OR52N4: variants seen among roughly 807,000 people sequenced by gnomAD.
The protein encoded by OR52N4 is olfactory receptor family 52 subfamily N member 4.
A neutral mutation model predicts 15.0 loss-of-function variants in OR52N4; 15 were observed. That is an observed-to-expected ratio of 1.00 (90% CI 0.67 to 1.54). The LOEUF is 1.54. Ranked by LOEUF, OR52N4 falls within the 40% of genes most tolerant of loss-of-function variation. The pLI, the probability that OR52N4 is intolerant of heterozygous loss-of-function variation, is 0.00. For missense variants in OR52N4, 421 were observed against 394.0 expected (o/e 1.07, Z -0.58); for synonymous variants, 143 against 143.7 (o/e 1.00, Z 0.03).
At chr11:5,730,989 A>C in the OR52N4 span, among the ~76,000 whole-genome samples, 4 of 152,100 alleles carry the variant, frequency 2.6e-5, no homozygotes, top group East Asian at 7.7e-4. Context: ...AAATTATATT[A>C]GTATTTGGAA....
the OR52N4 span, among the ~76,000 whole-genome samples, chr11:5,746,866 T>A: frequency 6.6e-6 from 1 of 152,110 alleles, no homozygotes; most frequent in African/African-American, 2.4e-5. Context: ...TGTATGATTA[T>A]CTCAGCACTA....
At chr11:5,729,993 T>C in the OR52N4 span, among the ~76,000 whole-genome samples, 1 of 152,186 alleles carries the variant, frequency 6.6e-6, no homozygotes, top group Admixed American at 6.5e-5. Flanking sequence ...CCATTTGAAT[T>C]TACTGGCACA....
chr11:5,753,440 A>C (rs1038593875), upstream of OR52N4, among the ~76,000 whole-genome samples: 3 of 152,052 alleles, frequency 2.0e-5, no homozygotes, highest in Non-Finnish European at 4.4e-5. Context: ...TTCTCTTTTG[A>C]AGTGTATGTT....
the OR52N4 span, among the ~76,000 whole-genome samples, chr11:5,745,264 T>C: frequency 7.2e-3 from 1,093 of 152,278 alleles, 15 homozygotes; most frequent in African/African-American, 0.025. Context: ...ACTATCTCTA[T>C]TTGCTGATGA....
chr11:5,750,907 A>AAT (rs1854176520), upstream of OR52N4, among the ~76,000 whole-genome samples: 1 of 152,174 alleles, frequency 6.6e-6, no homozygotes, highest in East Asian at 1.9e-4. Context: ...AAATGAGTTT[A>AAT]TAAGCTGCTA....
the OR52N4 span, among the ~76,000 whole-genome samples, chr11:5,745,325 A>C: frequency 6.6e-6 from 1 of 152,326 alleles, no homozygotes; most frequent in Non-Finnish European, 1.5e-5. Flanking sequence ...AGACTCCTAG[A>C]CTTGAAAAGT....
chr11:5,751,625 G>A (rs1323788567), upstream of OR52N4, among the ~76,000 whole-genome samples: 1 of 152,010 alleles, frequency 6.6e-6, no homozygotes, highest in African/African-American at 2.4e-5. Flanking sequence ...TGTTTCGGGT[G>A]AGTCATTCAC....
At chr11:5,736,692 G>A in the OR52N4 span, 1 of 1,613,936 alleles carries the variant, frequency 6.2e-7, no homozygotes, top group Non-Finnish European at 8.5e-7. Flanking sequence ...ATCATCATCT[G>A]GCAGAACCCT....
rs368392235 is a variant in OR52N4, at chr11:5,755,558, C to G, written c.818C>G (p.Pro273Arg). The G allele has an allele frequency of 1.9e-6, 3 of 1,613,808 alleles. No homozygotes were observed. Among genetic ancestry groups the G allele is most frequent in the African/African-American group, 1.3e-5 (1 of 74,936 alleles). The change falls in exon 2 of 2, where the codon CCT becomes CGT. Residue 273 changes from proline to arginine, a missense_variant. Physicochemically the swap from Pro to Arg is moderately radical, Grantham distance 103. Transcript: ENST00000641350. ...CGCTTTGGGGAACACATAATCCCCC[C>G]TTCTTGCCACATCATTGTAGCCAAT... ...SHRFGEHIIP[P>R]SCHIIVANIY... is the part of the protein sequence containing the mutation.
chr11:5,747,449 C>A, the OR52N4 span, among the ~76,000 whole-genome samples: 1 of 151,818 alleles, frequency 6.6e-6, no homozygotes, highest in African/African-American at 2.4e-5. Flanking sequence ...ATGTCCTCAC[C>A]ACAAAAATGA....
At chr11:5,736,770 C>T in the OR52N4 span, 1 of 1,614,066 alleles carries the variant, frequency 6.2e-7, no homozygotes, top group Non-Finnish European at 8.5e-7. Flanking sequence ...CTGGCCACTA[C>T]TATCATCCCT....
At chr11:5,726,764 T>C in the OR52N4 span, 11 of 153,328 alleles carry the variant, frequency 7.2e-5, no homozygotes, top group African/African-American at 2.7e-4. Context: ...GGCTATCTTC[T>C]GGTGTGGAGC....
At chr11:5,741,234 G>A in the OR52N4 span, among the ~76,000 whole-genome samples, 1 of 152,206 alleles carries the variant, frequency 6.6e-6, no homozygotes, top group African/African-American at 2.4e-5. Context: ...CCAGGGGATT[G>A]AAAATTAAGG....
upstream of OR52N4, among the ~76,000 whole-genome samples, chr11:5,750,377 A>G (rs1854164938): frequency 2.6e-5 from 4 of 151,966 alleles, no homozygotes; most frequent in South Asian, 8.3e-4. Flanking sequence ...ATTTTCCATT[A>G]CTTGAAATGG....
upstream of OR52N4, among the ~76,000 whole-genome samples, chr11:5,750,544 GT>G (rs1854169271): frequency 6.6e-6 from 1 of 151,804 alleles, no homozygotes; most frequent in Non-Finnish European, 1.5e-5. Flanking sequence ...CTATTGAATA[GT>G]TTATACTAAA....
At chr11:5,736,307 A>C in the OR52N4 span, 1 of 553,116 alleles carries the variant, frequency 1.8e-6, no homozygotes, top group Non-Finnish European at 3.2e-6. Flanking sequence ...TCATTTAAAA[A>C]ATCTAGTTAT....
chr11:5,742,012 A>G, the OR52N4 span, among the ~76,000 whole-genome samples: 2 of 152,164 alleles, frequency 1.3e-5, no homozygotes, highest in African/African-American at 4.8e-5. Context: ...GAATTACAAA[A>G]TACAGTTGAA....
In OR52N4 at chr11:5,755,725, T is replaced by A; in HGVS notation, c.*19T>A. 1 of 1,600,942 alleles carries A rather than the reference T, an allele frequency of 6.2e-7. No individual in the cohort carries two copies. On this transcript the variant is annotated 3_prime_UTR_variant, in exon 2 of 2. Transcript: ENST00000641350. The stretch of plus-strand genomic sequence containing the variant: ...CATGTGAATGAACACTTGCCAGGAG[T>A]GAGAAGAGAAGGAAAGAATTACTTC...
chr11:5,728,732 G>A, the OR52N4 span, among the ~76,000 whole-genome samples: 1 of 152,152 alleles, frequency 6.6e-6, no homozygotes, highest in Non-Finnish European at 1.5e-5. Context: ...GTGTTTTATT[G>A]GGACACTTCA....
Sources: allele counts gnomAD v4.1 joint callset (sites outside exome capture counted in the v4.1 genomes callset), GRCh38; gene constraint gnomAD v4.1.1; transcripts MANE v1.5; gene names NCBI Gene and HGNC (gene_info 2026-07-23, HGNC 2026-07-21).